The following PATL1 variants were observed in gnomAD, a reference collection of about 807,000 sequenced individuals.
PATL1 encodes protein PAT1 homolog 1.
PATL1 carries 32 observed loss-of-function variants against 100.6 expected under a neutral mutation model. That is an observed-to-expected ratio of 0.32 (90% CI 0.24 to 0.43). PATL1 has a LOEUF of 0.43. Ranked by LOEUF, PATL1 falls within the 20% of genes least tolerant of loss-of-function variation. The pLI, the probability that PATL1 is intolerant of heterozygous loss-of-function variation, is 1.00. For synonymous variants in PATL1, 332 were observed against 330.0 expected (o/e 1.01, Z -0.07); for missense variants, 747 against 949.9 (o/e 0.79, Z 2.81).
At position 59,655,587 on chromosome 11, in the gene PATL1, G is replaced by T; in HGVS notation, c.967C>A (p.Pro323Thr). The T allele has an allele frequency of 6.3e-7, 1 of 1,591,906 alleles. No homozygotes were observed. The highest frequency in any genetic ancestry group is 8.6e-7 in the Non-Finnish European group (1 of 1,168,898). The change falls in exon 8 of 19, where the codon CCC becomes ACC. Residue 323 changes from proline (P) to threonine (T), a missense_variant. Physicochemically the swap from Pro to Thr is conservative, Grantham distance 38. Coordinates refer to ENST00000300146, the MANE Select transcript of PATL1 (RefSeq NM_152716.3). The stretch of plus-strand genomic sequence containing the variant: ...TGCTGTGGAGGTGGTGTAGCGGAGG[G>T]TGGAGCACTAAAGAAGGCACGGAAG... ...PGFRAFFSAP[P>T]SATPPPQQHP...
chr11:59,658,961 A>G lies in PATL1; in HGVS notation c.346-15T>C, dbSNP rs1861585550. On this transcript the variant is annotated splice_polypyrimidine_tract_variant and intron_variant, in intron 3 of 18. Transcript: ENST00000300146. ...CCTGGTTGGGGCTAACAAAAAAGGA[A>G]AACATACAGAGTCTGAAATGTTGTA... 1.3e-6 allele frequency: 2 copies of G among 1,540,970 alleles called. No individual in the cohort carries two copies. Among genetic ancestry groups the G allele is most frequent in the East Asian group, 4.9e-5 (2 of 40,788 alleles).
In PATL1 at chr11:59,642,910, A is replaced by T. The variant is rs1250281126; in HGVS notation, c.2019T>A (p.Asn673Lys). ...TCTGGAGCACAGCAGTGAGGTGAGG[A>T]TTGGAGAGTGCTGGTGTAGCTGCAC... Reference protein sequence around the residue: ...PQSAATPALSNPHLTAVLQNK... With the variant: ...PQSAATPALSKPHLTAVLQNK... The change falls in exon 16 of 19, where the codon AAT (asparagine) becomes AAA (lysine). Residue 673 changes from asparagine to lysine, a missense_variant. This residue lies in a region of PATL1 where 434 missense variants were observed against 596.1 expected (regional missense o/e 0.73). Transcript: ENST00000300146. 5 of 1,613,774 alleles carry T rather than the reference A, an allele frequency of 3.1e-6. No individual in the cohort carries two copies. In the African/African-American group the frequency reaches 5.3e-5, roughly 17 times the overall value.
chr11:59,656,371 A>G, intron 6 of PATL1, 128 bp downstream of exon 6: 1 of 780,650 alleles, frequency 1.3e-6, no homozygotes, highest in Non-Finnish European at 2.0e-6. Flanking sequence ...CAGCAATTTA[A>G]GTAAGGAGAT....
At chr11:59,644,259 AT>A (rs1212468790) in intron 15 of PATL1, among the ~76,000 whole-genome samples, 1 of 152,150 alleles carries the variant, frequency 6.6e-6, no homozygotes, top group Non-Finnish European at 1.5e-5. Flanking sequence ...CCCAAAATAC[AT>A]CAGTTTGTAT....
chr11:59,648,573 T>C (rs892503923), intron 14 of PATL1, among the ~76,000 whole-genome samples: 1 of 151,798 alleles, frequency 6.6e-6, no homozygotes, highest in African/African-American at 2.4e-5. Context: ...AGTTAATTAG[T>C]GTTACCATTT....
At chr11:59,656,238 A>C (rs918369706) in intron 6 of PATL1, among the ~76,000 whole-genome samples, 193 bp from the exon 7 acceptor site, 20 of 152,282 alleles carry the variant, frequency 1.3e-4, no homozygotes, top group African/African-American at 4.8e-4. Flanking sequence ...CATGAAAAAG[A>C]AGCAGTAGAA....
rs899096123 is a variant in PATL1 at position 59,637,400 on chromosome 11, C to T, written c.*990G>A. On this transcript the variant is annotated 3_prime_UTR_variant, in exon 19 of 19. Transcript: ENST00000300146. ...AGGCCAAACTTAGCTTCCATGGTTA[C>T]ATTTGGAAGTTTCTATTCATGACAC... 1 of 152,600 alleles carries T rather than the reference C, an allele frequency of 6.6e-6. No individual in the cohort carries two copies. Among genetic ancestry groups the T allele is most frequent in the Non-Finnish European group, 1.5e-5 (1 of 68,038 alleles). 9.5% of individuals were successfully genotyped at this position (152,600 alleles called of 1,614,324 possible).
chr11:59,650,653 A>G, intron 13 of PATL1, 101 bp downstream of exon 13: 1 of 816,232 alleles, frequency 1.2e-6, no homozygotes, highest in Non-Finnish European at 1.9e-6. Context: ...AATTAAAACC[A>G]AAGAACATTG....
intron 2 of PATL1, among the ~76,000 whole-genome samples, 164 bp from the exon 3 acceptor site, chr11:59,659,633 G>A (rs1861601319): frequency 6.6e-6 from 1 of 151,924 alleles, no homozygotes; most frequent in South Asian, 2.1e-4. Flanking sequence ...CCGGGTTCAA[G>A]CAATTCTCTG....
At chr11:59,663,048 C>G (rs1861647860) in intron 2 of PATL1, among the ~76,000 whole-genome samples, 1 of 151,864 alleles carries the variant, frequency 6.6e-6, no homozygotes, top group South Asian at 2.1e-4. Flanking sequence ...GATATTGTGC[C>G]CTTACTATAA....
In PATL1 at chr11:59,657,636, G is replaced by C; in HGVS notation, c.515C>G (p.Ala172Gly). ...AGGTGAAGTTGACCGCCTTGGTAAT[G>C]CTCGTTCAGAAAGGTCCCGATCATC... The part of the protein sequence containing the change: ...PEDDRDLSER[A>G]LPRRSTSPII... The change falls in exon 5 of 19, where the codon GCA (alanine) becomes GGA (glycine). Residue 172 changes from alanine to glycine, a missense_variant. Ala to Gly is a moderately conservative substitution (Grantham distance 60). Around this residue, in one of 4 missense-constraint regions of PATL1, gnomAD observed 183 missense variants for 221.2 expected, o/e 0.83. Transcript: ENST00000300146. 1 of 1,613,476 alleles carries C rather than the reference G, an allele frequency of 6.2e-7. No homozygotes were observed. The highest frequency in any genetic ancestry group is 8.5e-7 in the Non-Finnish European group (1 of 1,179,778).
chr11:59,643,116 G>T (rs1861311308), intron 15 of PATL1, 81 bp from the exon 16 acceptor site: 1 of 1,441,774 alleles, frequency 6.9e-7, no homozygotes, highest in Non-Finnish European at 9.4e-7. Context: ...ATGGAAGGAT[G>T]TTCATTTGTA....
Position 59,655,652 on chromosome 11 carries a change from A to T in PATL1, c.902T>A (p.Leu301Gln). 1.2e-6 allele frequency: 2 copies of T among 1,603,476 alleles called. No individual in the cohort carries two copies. The highest frequency in any genetic ancestry group is 2.2e-5 in the South Asian group (2 of 88,940). Residue 301 changes from leucine (L) to glutamine (Q), a missense_variant, in exon 8 of 19, where the codon CTA becomes CAA. Leu to Gln is a moderately radical substitution (Grantham distance 113). Around this residue, in one of 4 missense-constraint regions of PATL1, gnomAD observed 434 missense variants for 596.1 expected, o/e 0.73. Transcript: ENST00000300146. ...AAGCATCTGCCCAACTCGCCCTTGT[A>T]GCAACTTGGGATTCATGGCAGCAAG... ...SPLAAMNPKL[L>Q]QGRVGQMLPP...
chr11:59,658,367 G>C (rs556632503), intron 4 of PATL1, among the ~76,000 whole-genome samples: 5 of 151,814 alleles, frequency 3.3e-5, no homozygotes, highest in Non-Finnish European at 5.9e-5. Flanking sequence ...GCCCAGGCTG[G>C]AGTGCAGTGG....
intron 2 of PATL1, among the ~76,000 whole-genome samples, chr11:59,662,096 A>G (rs917820442): frequency 6.6e-6 from 1 of 152,226 alleles, no homozygotes; most frequent in Non-Finnish European, 1.5e-5. Flanking sequence ...GATGTATCAC[A>G]TAATACTAGT....
Position 59,656,555 on chromosome 11 carries a change from G to A in PATL1, c.667C>T (p.Arg223Cys), listed in dbSNP as rs1233425937. The A allele has an allele frequency of 1.1e-5, 17 of 1,613,972 alleles. No individual in the cohort carries two copies. The highest frequency in any genetic ancestry group is 6.7e-5 in the Admixed American group (4 of 60,012). Residue 223 changes from arginine (R) to cysteine (C), a missense_variant, in exon 6 of 19, where the codon CGT becomes TGT. This residue lies in a region of PATL1 where 127 missense variants were observed against 116.0 expected (regional missense o/e 1.09). Coordinates refer to ENST00000300146, the MANE Select transcript of PATL1 (RefSeq NM_152716.3). ...CTCTCACCATAGGGAGCAGGATAAC[G>A]AGGTGGCATTGGGGGCCGAACATGG... Reference protein sequence around the residue: ...PVHVRPPMPPRYPAPYGERMS... With the variant: ...PVHVRPPMPPCYPAPYGERMS...
At chr11:59,664,187 T>G (rs1012634186) in intron 2 of PATL1, among the ~76,000 whole-genome samples, 4 of 152,244 alleles carry the variant, frequency 2.6e-5, no homozygotes, top group African/African-American at 9.6e-5. Flanking sequence ...GTTCTTTTAC[T>G]GTGTAAACCT....
chr11:59,658,212 C>T (rs1257140692), intron 4 of PATL1, among the ~76,000 whole-genome samples: 2 of 151,940 alleles, frequency 1.3e-5, no homozygotes, highest in Non-Finnish European at 2.9e-5. Context: ...TTGCATCACT[C>T]CCCAGAAATT....
chr11:59,655,281 T>G (rs528350565), intron 8 of PATL1, among the ~76,000 whole-genome samples: 2 of 152,342 alleles, frequency 1.3e-5, no homozygotes, highest in Admixed American at 6.5e-5. Flanking sequence ...GCTTAGCTAG[T>G]GTGACGATTA....
Sources: gnomAD v4.1 joint callset for allele counts (sites outside exome capture counted in the v4.1 genomes callset) on GRCh38, gnomAD v4.1.1 for gene constraint, gnomAD v4.1.1 regional missense constraint, MANE v1.5 for transcripts, NCBI Gene and HGNC (gene_info 2026-07-23, HGNC 2026-07-21) for gene names.